EML5: variants seen among roughly 807,000 people sequenced by gnomAD.
EML5 encodes the protein EMAP like 5.
Under a neutral mutation model 250.0 loss-of-function variants are expected in EML5, and 120 were observed. The observed-to-expected ratio is 0.48, with a 90% confidence interval of 0.41 to 0.56. The LOEUF (loss-of-function observed/expected upper bound fraction) is 0.56, where lower values mean the gene tolerates loss of function less well. Ranked by LOEUF, EML5 falls within the 20% of genes least tolerant of loss-of-function variation. The pLI, the probability that EML5 is intolerant of heterozygous loss-of-function variation, is 0.00. For missense variants in EML5, 2,006 were observed against 2,437.6 expected (o/e 0.82, Z 3.73); for synonymous variants, 771 against 806.5 (o/e 0.96, Z 0.75).
At chr14:88,779,204 T>A (rs2094473929) in intron 1 of EML5, among the ~76,000 whole-genome samples, 1 of 152,186 alleles carries the variant, frequency 6.6e-6, no homozygotes, top group South Asian at 2.1e-4. Flanking sequence ...TTTGTTACCA[T>A]ACCAAAATTT....
At chr14:88,775,173 T>C (rs1338152397) in intron 1 of EML5, among the ~76,000 whole-genome samples, 1 of 152,226 alleles carries the variant, frequency 6.6e-6, no homozygotes, top group Admixed American at 6.5e-5. Flanking sequence ...TCAGGTAGGA[T>C]ACAGCACATT....
intron 18 of EML5, 35 bp from the exon 19 acceptor site, chr14:88,687,362 C>A: frequency 1.4e-6 from 2 of 1,420,072 alleles, no homozygotes; most frequent in Non-Finnish European, 1.9e-6. Flanking sequence ...TAATAAAGAT[C>A]TAAATATTTT....
At chr14:88,707,039 G>C (rs894885748) in intron 10 of EML5, among the ~76,000 whole-genome samples, 3 of 151,946 alleles carry the variant, frequency 2.0e-5, no homozygotes, top group African/African-American at 7.2e-5. Flanking sequence ...TTTCAATTTG[G>C]GTTTTGTCTA....
chr14:88,684,461 C>T (rs1056207975), intron 20 of EML5, among the ~76,000 whole-genome samples: 24 of 146,942 alleles, frequency 1.6e-4, no homozygotes, highest in East Asian at 6.2e-4. Context: ...TGAGCCACCG[C>T]GCCCGGCCTG....
intron 1 of EML5, among the ~76,000 whole-genome samples, chr14:88,779,910 T>A (rs1487490161): frequency 2.0e-5 from 3 of 152,210 alleles, no homozygotes; most frequent in Non-Finnish European, 4.4e-5. Context: ...TCTATGTTAC[T>A]GTGAGGAAAT....
chr14:88,663,449 A>G lies in EML5; in HGVS notation c.3410-330T>C, dbSNP rs549012171. Among the ~76,000 whole-genome samples the G allele has an allele frequency of 3.3e-5, 5 of 152,250 alleles. No individual in the cohort carries two copies. In the South Asian group the frequency reaches 1.0e-3, roughly 32 times the overall value. Reference sequence around the variant, plus strand: ...ATTTAGAAAAACTTTATGATGCTCAATTTATATAGTTGAATACAATATAGT... The same window carrying G: ...ATTTAGAAAAACTTTATGATGCTCAGTTTATATAGTTGAATACAATATAGT... On this transcript the variant is annotated intron_variant, in intron 23 of 43. Coordinates refer to ENST00000554922, the MANE Select transcript of EML5 (RefSeq NM_183387.3).
At chr14:88,637,105 C>G (rs2090781267) in intron 32 of EML5, among the ~76,000 whole-genome samples, 1 of 152,162 alleles carries the variant, frequency 6.6e-6, no homozygotes, top group African/African-American at 2.4e-5. Context: ...ACAAGCCTGA[C>G]AGCAAAGTAA....
intron 1 of EML5, among the ~76,000 whole-genome samples, chr14:88,754,986 G>T (rs1169569949): frequency 6.6e-6 from 1 of 151,972 alleles, no homozygotes; most frequent in Non-Finnish European, 1.5e-5. Flanking sequence ...TGTATTTTTA[G>T]TAGAGATGGG....
At chr14:88,754,419 CAA>C (rs758538560) in intron 2 of EML5, 91 bp downstream of exon 2, 2 of 1,173,698 alleles carry the variant, frequency 1.7e-6, no homozygotes, top group African/African-American at 1.6e-5. Flanking sequence ...TAATTTTCAT[CAA>C]GTGTCCAATT....
intron 31 of EML5, among the ~76,000 whole-genome samples, chr14:88,640,152 CAAGG>C (rs1447984568): frequency 0.014 from 2,169 of 152,218 alleles, 44 homozygotes; most frequent in African/African-American, 0.05. Flanking sequence ...GTTAGATCAT[CAAGG>C]TAGAAAACTA....
chr14:88,616,360 C>T, intron 42 of EML5, 118 bp from the exon 43 acceptor site: 1 of 975,312 alleles, frequency 1.0e-6, no homozygotes, highest in Non-Finnish European at 1.6e-6. Context: ...GTTAGCACCG[C>T]AGCCAGTGAT....
chr14:88,646,829 G>T, intron 29 of EML5, 118 bp downstream of exon 29: 1 of 1,004,682 alleles, frequency 1.0e-6, no homozygotes, highest in Non-Finnish European at 1.4e-6. Context: ...GGAAAAAAAT[G>T]TGCAAAACTG....
chr14:88,675,376 A>T (rs1278073338), intron 21 of EML5, among the ~76,000 whole-genome samples: 1 of 152,214 alleles, frequency 6.6e-6, no homozygotes, highest in Non-Finnish European at 1.5e-5. Context: ...CTGCAGGCTC[A>T]ACACCACATG....
intron 8 of EML5, among the ~76,000 whole-genome samples, chr14:88,717,780 C>CAAT (rs1363890586): frequency 6.6e-6 from 1 of 151,518 alleles, no homozygotes; most frequent in East Asian, 1.9e-4. Flanking sequence ...ACAACAACAA[C>CAAT]AACAACAAAA....
chr14:88,682,168 T>G, intron 20 of EML5, 137 bp from the exon 21 acceptor site: 1 of 912,732 alleles, frequency 1.1e-6, no homozygotes, highest in East Asian at 3.2e-5. Context: ...CTATCAAAAC[T>G]TTTCTGTTTA....
At chr14:88,731,851 G>A (rs1376244607) in intron 7 of EML5, among the ~76,000 whole-genome samples, 1 of 152,128 alleles carries the variant, frequency 6.6e-6, no homozygotes, top group African/African-American at 2.4e-5. Flanking sequence ...GTGTCTGTTG[G>A]CTGCATAAAT....
In EML5 at chr14:88,641,576, T is replaced by A. The variant is rs1225865579; in HGVS notation, c.4237+1317A>T. ...AACAGAATTAAAAACAAAAACCATA[T>A]GATTATCTCAACAGATATGGAAAAT... On this transcript the variant is annotated intron_variant, in intron 31 of 43. Coordinates refer to ENST00000554922, the MANE Select transcript of EML5 (RefSeq NM_183387.3). 5.5e-4 allele frequency among the ~76,000 whole-genome samples: 83 copies of A among 152,146 alleles called. 2 individuals carry two copies. Among genetic ancestry groups the A allele is most frequent in the Non-Finnish European group, 2.9e-5 (2 of 68,018 alleles).
At chr14:88,717,808 G>A (rs2093525024) in intron 8 of EML5, among the ~76,000 whole-genome samples, 1 of 152,130 alleles carries the variant, frequency 6.6e-6, no homozygotes, top group Non-Finnish European at 1.5e-5. Context: ...AAGGAGCATA[G>A]TAATAGGATC....
chr14:88,707,955 C>T (rs2139801618), intron 10 of EML5, among the ~76,000 whole-genome samples: 1 of 152,150 alleles, frequency 6.6e-6, no homozygotes, highest in Admixed American at 6.5e-5. Context: ...AATAAAATTC[C>T]AAGTTCTAAG....
Sources: allele counts gnomAD v4.1 joint callset (sites outside exome capture counted in the v4.1 genomes callset), GRCh38; gene constraint gnomAD v4.1.1; transcripts MANE v1.5; gene names NCBI Gene and HGNC (gene_info 2026-07-23, HGNC 2026-07-21).